The following TRMT11 variants were observed in gnomAD, a reference collection of about 807,000 sequenced individuals.
The protein encoded by TRMT11 is tRNA methyltransferase 11.
TRMT11 carries 53 observed loss-of-function variants against 62.8 expected under a neutral mutation model. The ratio of observed to expected loss-of-function variants is 0.84; its 90% CI spans 0.68 to 1.06. TRMT11 has a LOEUF of 1.06. TRMT11 is among the 50% of genes least tolerant of loss of function. TRMT11 has a pLI of 0.00. For synonymous variants in TRMT11, 188 were observed against 190.3 expected, an observed-to-expected ratio of 0.99 and a Z score of 0.10; for missense variants, 556 against 553.4, an observed-to-expected ratio of 1.00 and a Z score of -0.05.
In TRMT11 at chr6:126,168,403, T is replaced by C. The variant is rs145752203; in HGVS notation, c.*1824-6422T>C. 8.5e-3 allele frequency among the ~76,000 whole-genome samples: 1,291 copies of C among 152,328 alleles called. 17 individuals carry two copies. Among genetic ancestry groups the C allele is most frequent in the African/African-American group, 0.03 (1,250 of 41,560 alleles). On this transcript the variant is annotated intron_variant and NMD_transcript_variant, in intron 21 of 22. Coordinates refer to the TRMT11 transcript ENST00000648977. ...ATGGAAAGAAAATGCTCTCAATATA[T>C]GGAGCTATAGGAATAAATGCTAGAA...
chr6:126,103,860 A>G (rs989524011), intron 17 of TRMT11, among the ~76,000 whole-genome samples: 6 of 152,138 alleles, frequency 3.9e-5, no homozygotes, highest in African/African-American at 7.2e-5. Context: ...CTCCTTTGCT[A>G]TATTCTGTTG....
chr6:126,043,275 T>C (rs1221169700), downstream of TRMT11, among the ~76,000 whole-genome samples: 2 of 144,278 alleles, frequency 1.4e-5, no homozygotes, highest in Non-Finnish European at 3.0e-5. Context: ...CATTGTTCAA[T>C]TCCCACCTAT....
the TRMT11 span, among the ~76,000 whole-genome samples, chr6:126,265,222 A>C: frequency 6.6e-6 from 1 of 152,124 alleles, no homozygotes; most frequent in African/African-American, 2.4e-5. Context: ...GAGAATGATA[A>C]ATTTTAACCT....
intron 7 of TRMT11, among the ~76,000 whole-genome samples, chr6:126,007,952 T>C (rs1315383388): frequency 6.6e-6 from 1 of 152,050 alleles, no homozygotes; most frequent in African/African-American, 2.4e-5. Context: ...ATAGTAATTA[T>C]GCCCTATTTG....
At chr6:126,013,576 A>G (rs376333701) in intron 11 of TRMT11, among the ~76,000 whole-genome samples, 27 of 152,226 alleles carry the variant, frequency 1.8e-4, no homozygotes, top group Middle Eastern at 3.4e-3. Flanking sequence ...CTTTTCATCA[A>G]CTGAATTGTT....
At chr6:126,113,827 A>T (rs1777559299) in intron 18 of TRMT11, among the ~76,000 whole-genome samples, 1 of 152,064 alleles carries the variant, frequency 6.6e-6, no homozygotes, top group Admixed American at 6.6e-5. Flanking sequence ...CCTCACACCT[A>T]TTGAATCTGA....
downstream of TRMT11, among the ~76,000 whole-genome samples, chr6:126,203,822 G>A (rs569803707): frequency 7.9e-5 from 12 of 152,198 alleles, no homozygotes; most frequent in African/African-American, 2.2e-4. Context: ...AGAATATTCT[G>A]TGTATAGAAT....
At chr6:126,151,943 C>CT (rs71024744) in intron 21 of TRMT11, among the ~76,000 whole-genome samples, 3,537 of 33,912 alleles carry the variant, frequency 0.1, 294 homozygotes, top group Middle Eastern at 0.14. Flanking sequence ...TTCTTTCTTT[C>CT]TTTTCTTTCT....
chr6:126,261,607 AC>A, the TRMT11 span, among the ~76,000 whole-genome samples: 2 of 152,030 alleles, frequency 1.3e-5, no homozygotes, highest in Non-Finnish European at 2.9e-5. Context: ...CTTCCTGTAG[AC>A]ACTTTCTAGA....
intron 3 of TRMT11, among the ~76,000 whole-genome samples, chr6:126,201,184 G>A (rs752215545): frequency 2.0e-5 from 3 of 152,146 alleles, no homozygotes; most frequent in African/African-American, 2.4e-5. Context: ...GATGTATCTG[G>A]AATAGCCATG....
At chr6:126,184,269 C>T (rs1037806399) in intron 1 of TRMT11, among the ~76,000 whole-genome samples, 2 of 152,084 alleles carry the variant, frequency 1.3e-5, no homozygotes, top group Non-Finnish European at 2.9e-5. Flanking sequence ...TAGAGGTCTT[C>T]TTTGAAATAA....
intron 17 of TRMT11, among the ~76,000 whole-genome samples, chr6:126,079,729 TG>T (rs1777116406): frequency 6.6e-6 from 1 of 150,534 alleles, no homozygotes; most frequent in African/African-American, 2.4e-5. Flanking sequence ...AAGTTGAAAA[TG>T]GAAAGAAAAA....
chr6:126,145,634 A>G (rs1386827568), intron 21 of TRMT11, among the ~76,000 whole-genome samples: 2 of 152,116 alleles, frequency 1.3e-5, no homozygotes, highest in Non-Finnish European at 2.9e-5. Flanking sequence ...GAAGGTCAGT[A>G]ACGACTTCCA....
the TRMT11 span, among the ~76,000 whole-genome samples, chr6:126,230,917 T>G: frequency 6.6e-6 from 1 of 152,202 alleles, no homozygotes; most frequent in Non-Finnish European, 1.5e-5. Flanking sequence ...ACGTCCTCAT[T>G]GTGAGATTCA....
At chr6:126,053,485 C>T (rs1287557838) in intron 17 of TRMT11, among the ~76,000 whole-genome samples, 1 of 152,190 alleles carries the variant, frequency 6.6e-6, no homozygotes, top group Non-Finnish European at 1.5e-5. Flanking sequence ...TTTCTCAGAC[C>T]TAATCACTTT....
the TRMT11 span, among the ~76,000 whole-genome samples, chr6:126,210,646 CCTT>C: frequency 7.9e-5 from 12 of 152,170 alleles, no homozygotes; most frequent in Non-Finnish European, 1.6e-4. Context: ...TCCAGCAAGA[CCTT>C]CTCTTGTATA....
intron 1 of TRMT11, among the ~76,000 whole-genome samples, chr6:126,193,490 A>AT (rs60064329): frequency 0.046 from 3,373 of 73,234 alleles, 285 homozygotes; most frequent in African/African-American, 0.095. Context: ...GCGTTTCTGT[A>AT]TTTTTTTTTT....
At chr6:126,020,494 T>C (rs937560156) in intron 11 of TRMT11, among the ~76,000 whole-genome samples, 6 of 152,214 alleles carry the variant, frequency 3.9e-5, no homozygotes, top group African/African-American at 1.4e-4. Context: ...TTCATCCATG[T>C]AGGACATGTG....
rs1791973837 is a variant in TRMT11, at chr6:125,998,531, T to C, written c.388-19T>C. 1 of 1,604,560 alleles carries C rather than the reference T, an allele frequency of 6.2e-7. No individual in the cohort carries two copies. The highest frequency in any genetic ancestry group is 8.5e-7 in the Non-Finnish European group (1 of 1,176,868). ...TGTAAATTATTATAAGACATCAGCA[T>C]TTCTTTTGTTTCTTTTAGGCACTTG... On this transcript the variant is annotated intron_variant, in intron 5 of 12. Coordinates refer to ENST00000334379, the MANE Select transcript of TRMT11 (RefSeq NM_001031712.3).
Sources: gnomAD v4.1 joint callset for allele counts (sites outside exome capture counted in the v4.1 genomes callset) on GRCh38, gnomAD v4.1.1 for gene constraint, MANE v1.5 for transcripts, NCBI Gene and HGNC (gene_info 2026-07-23, HGNC 2026-07-21) for gene names.